Variants in XXYLT1 observed in about 807,000 individuals in gnomAD.
XXYLT1 encodes UDP-xylose:alpha-xyloside alpha-1,3-xylosyltransferase.
In XXYLT1, 20 loss-of-function variants were observed where a neutral mutation model predicts 28.9. That is an observed-to-expected ratio of 0.69 (90% CI 0.49 to 1.00). The LOEUF is 1.00. Among genes scored for constraint, XXYLT1 ranks in the 50% least tolerant of loss-of-function variants. The pLI is 0.00. For missense variants in XXYLT1, 542 were observed against 560.1 expected, an observed-to-expected ratio of 0.97 and a Z score of 0.33; for synonymous variants, 257 against 253.8, an observed-to-expected ratio of 1.01 and a Z score of -0.12.
intron 2 of XXYLT1, among the ~76,000 whole-genome samples, chr3:195,169,787 A>G (rs1721305580): frequency 6.6e-6 from 1 of 151,678 alleles, no homozygotes; most frequent in Non-Finnish European, 1.5e-5. Context: ...ACTATATAAT[A>G]TTGTAATATA....
At chr3:195,177,903 C>G (rs1270708242) in intron 2 of XXYLT1, among the ~76,000 whole-genome samples, 1 of 148,988 alleles carries the variant, frequency 6.7e-6, no homozygotes, top group Admixed American at 6.7e-5. Context: ...CCACCGCACT[C>G]CAGCCTGAGT....
intron 3 of XXYLT1, among the ~76,000 whole-genome samples, chr3:195,139,061 G>C (rs1378800649): frequency 1.3e-5 from 2 of 151,878 alleles, no homozygotes; most frequent in Non-Finnish European, 2.9e-5. Context: ...GGAGAGGTGG[G>C]TGCAGGGAGG....
intron 3 of XXYLT1, among the ~76,000 whole-genome samples, chr3:195,087,995 C>G (rs1715845393): frequency 6.6e-6 from 1 of 152,014 alleles, no homozygotes. Flanking sequence ...AAAAACGGCG[C>G]ACCACGAGAT....
At chr3:195,080,573 A>T in intron 3 of XXYLT1, among the ~76,000 whole-genome samples, 1 of 152,162 alleles carries the variant, frequency 6.6e-6, no homozygotes, top group East Asian at 1.9e-4. Context: ...AGGGTTTGTC[A>T]GAGTGAAGAC....
chr3:195,167,452 G>A (rs1316120456), intron 2 of XXYLT1, among the ~76,000 whole-genome samples: 2 of 152,104 alleles, frequency 1.3e-5, no homozygotes, highest in African/African-American at 4.8e-5. Context: ...TTAGCCGGGA[G>A]TGGTGGTGGG....
Position 195,270,724 on chromosome 3 carries a change from G to A in XXYLT1, c.335C>T (p.Ala112Val), listed in dbSNP as rs1463625761. The A allele has an allele frequency of 6.3e-7, 1 of 1,590,638 alleles. No individual in the cohort carries two copies. The part of the protein sequence containing the change: ...LMMFTKAEHN[A>V]ALQAKARVAL... ...GACGCGGGCCTTGGCCTGCAGCGCGGCATTGTGCTCCGCCTTGGTGAACAT... is the reference window on the plus strand; with the variant it reads ...GACGCGGGCCTTGGCCTGCAGCGCGACATTGTGCTCCGCCTTGGTGAACAT... The change falls in exon 1 of 4, where the codon GCC becomes GTC. Residue 112 changes from alanine (A) to valine (V), a missense_variant. Ala to Val is a moderately conservative substitution (Grantham distance 64). Coordinates refer to ENST00000310380, the MANE Select transcript of XXYLT1 (RefSeq NM_152531.5).
Position 195,078,284 on chromosome 3 carries a change from G to C in XXYLT1, c.786-8173C>G, listed in dbSNP as rs1715235950. 6.6e-6 allele frequency among the ~76,000 whole-genome samples: 1 copy of C among 152,102 alleles called. No individual in the cohort carries two copies. On this transcript the variant is annotated intron_variant, in intron 3 of 3. Coordinates refer to ENST00000310380, the MANE Select transcript of XXYLT1 (RefSeq NM_152531.5). The surrounding 1 kb of genome is among the most constrained non-coding windows in gnomAD (Gnocchi z 5.0). Reference sequence around the variant, plus strand: ...TGGAGAGTTCTGACATTTAGGGCGTGGAAGAAGAGGAGCCAGGAAGATGCA... The same window carrying C: ...TGGAGAGTTCTGACATTTAGGGCGTCGAAGAAGAGGAGCCAGGAAGATGCA...
intron 2 of XXYLT1, among the ~76,000 whole-genome samples, chr3:195,161,550 A>G (rs1193944262): frequency 6.6e-6 from 1 of 151,946 alleles, no homozygotes; most frequent in Non-Finnish European, 1.5e-5. Context: ...ACAAAGACCA[A>G]TAGAGAAACT....
At chr3:195,089,784 C>T (rs1185634439) in intron 3 of XXYLT1, among the ~76,000 whole-genome samples, 4 of 150,678 alleles carry the variant, frequency 2.7e-5, no homozygotes, top group Admixed American at 1.3e-4. Flanking sequence ...GGAAACCCAT[C>T]TCACATGCAG....
intron 2 of XXYLT1, among the ~76,000 whole-genome samples, chr3:195,219,762 C>T (rs1047387482): frequency 1.3e-5 from 2 of 152,194 alleles, no homozygotes; most frequent in African/African-American, 4.8e-5. Context: ...CAGTAAGGCC[C>T]CCATGACAGA....
In XXYLT1 at chr3:195,180,582, C is replaced by A. The variant is rs1337482052; in HGVS notation, c.653-24001G>T. 1.0e-6 allele frequency: 1 copy of A among 984,290 alleles called. No individual in the cohort carries two copies. The highest frequency in any genetic ancestry group is 1.2e-6 in the Non-Finnish European group (1 of 828,858). The allele number at this position is 984,290 out of a possible 1,614,324, so 61.0% of individuals were successfully genotyped here. A position where few individuals can be genotyped will look rare whatever the true frequency, so the allele number is the denominator to read the frequency against. On this transcript the variant is annotated intron_variant, in intron 2 of 3. Transcript: ENST00000310380. The surrounding 1 kb of genome is among the most constrained non-coding windows in gnomAD (Gnocchi z 5.8). ...GGCCAGACCCTAAGGCCCTTCCCAG[C>A]CCTCTCCAGAGCGTGATGTGGCCCC...
chr3:195,093,681 A>T (rs1199266994), intron 3 of XXYLT1: 2 of 148,846 alleles, frequency 1.3e-5, no homozygotes, highest in African/African-American at 2.5e-5. Context: ...AAAGTATAAT[A>T]AAAAAATAAA....
At chr3:195,202,250 G>C (rs1008299397) in intron 2 of XXYLT1, among the ~76,000 whole-genome samples, 1 of 152,070 alleles carries the variant, frequency 6.6e-6, no homozygotes, top group Non-Finnish European at 1.5e-5. Context: ...ACCCCACTTT[G>C]CTCCAGTGTT....
At chr3:195,098,922 C>T (rs1177998277) in intron 3 of XXYLT1, among the ~76,000 whole-genome samples, 1 of 152,212 alleles carries the variant, frequency 6.6e-6, no homozygotes. Context: ...GAGCCCTGAG[C>T]GGCCCTGTTG....
At chr3:195,172,920 G>T (rs1353487427) in intron 2 of XXYLT1, among the ~76,000 whole-genome samples, 1 of 152,210 alleles carries the variant, frequency 6.6e-6, no homozygotes, top group East Asian at 1.9e-4. Context: ...GTTGGAGCAT[G>T]GGTGAGTGAG....
chr3:195,072,406 G>A (rs953182816), intron 3 of XXYLT1, among the ~76,000 whole-genome samples: 1 of 152,140 alleles, frequency 6.6e-6, no homozygotes, highest in Non-Finnish European at 1.5e-5. Flanking sequence ...CGGCAGGAAC[G>A]CTCCCAAATC....
chr3:195,270,412 G>C (rs905209648), intron 1 of XXYLT1, 143 bp downstream of exon 1: 1 of 1,333,076 alleles, frequency 7.5e-7, no homozygotes, highest in African/African-American at 1.5e-5. Flanking sequence ...CCCTCCCGCA[G>C]GTTGTGAACA....
intron 3 of XXYLT1, among the ~76,000 whole-genome samples, chr3:195,091,302 A>G (rs961511979): frequency 1.1e-4 from 14 of 127,474 alleles, no homozygotes; most frequent in Non-Finnish European, 1.9e-4. Flanking sequence ...AAACGAATCC[A>G]GCAGCACATC....
chr3:195,221,695 C>T (rs540689929), intron 2 of XXYLT1, among the ~76,000 whole-genome samples: 3 of 152,324 alleles, frequency 2.0e-5, no homozygotes, highest in African/African-American at 4.8e-5. Flanking sequence ...AGCTGGCAGT[C>T]CTGGAGGAGT....
Sources: gnomAD v4.1 joint callset for allele counts (sites outside exome capture counted in the v4.1 genomes callset) on GRCh38, gnomAD v4.1.1 for gene constraint, Gnocchi (gnomAD v3.1) non-coding constraint, MANE v1.5 for transcripts, NCBI Gene and HGNC (gene_info 2026-07-23, HGNC 2026-07-21) for gene names.